The following CWF19L2 variants were observed in gnomAD, a reference collection of about 807,000 sequenced individuals.
CWF19L2 encodes CWF19-like protein 2.
CWF19L2 carries 98 observed loss-of-function variants against 111.7 expected under a neutral mutation model. The ratio of observed to expected loss-of-function variants is 0.88; its 90% CI spans 0.75 to 1.04. The LOEUF is 1.04. Among genes scored for constraint, CWF19L2 ranks in the 50% least tolerant of loss-of-function variants. The pLI is 0.00. For synonymous variants in CWF19L2, 351 were observed against 342.9 expected (o/e 1.02, Z -0.26); for missense variants, 1,101 against 1,051.4 (o/e 1.05, Z -0.65).
intron 3 of CWF19L2, among the ~76,000 whole-genome samples, chr11:107,443,415 A>C (rs1861659656): frequency 1.3e-5 from 2 of 152,084 alleles, no homozygotes; most frequent in Admixed American, 6.5e-5. Flanking sequence ...CCCAGGAGGC[A>C]GAGGTTGCAG....
At chr11:107,434,946 T>C (rs1308199790) in intron 6 of CWF19L2, among the ~76,000 whole-genome samples, 2 of 152,116 alleles carry the variant, frequency 1.3e-5, no homozygotes, top group African/African-American at 4.8e-5. Flanking sequence ...CACTTGTGGT[T>C]TGTGTATTTA....
rs368893519 is a variant in CWF19L2 at position 107,374,198 on chromosome 11, A to G, written c.1872+15876T>C. ...GGAACCAAGTTGGAAAACACTCTGC[A>G]GGATATTATCCAGGAGAACTTCCCC... is the stretch of plus-strand genomic sequence containing the variant. On this transcript the variant is annotated intron_variant, in intron 12 of 17. Coordinates refer to ENST00000282251, the MANE Select transcript of CWF19L2 (RefSeq NM_152434.3). Among the ~76,000 whole-genome samples, 693 of 129,974 alleles carry G rather than the reference A, an allele frequency of 5.3e-3. 138 individuals carry two copies. Among genetic ancestry groups the G allele is most frequent in the African/African-American group, 0.02 (601 of 30,402 alleles). The allele number at this position is 129,974 out of a possible 152,430, so 85.3% of individuals were successfully genotyped here. A position where few individuals can be genotyped will look rare whatever the true frequency, so the allele number is the denominator to read the frequency against.
chr11:107,427,425 T>A (rs565428075), intron 8 of CWF19L2, among the ~76,000 whole-genome samples: 5 of 152,096 alleles, frequency 3.3e-5, no homozygotes, highest in Admixed American at 2.6e-4. Context: ...AACCGAAAAA[T>A]TATATACATA....
chr11:107,367,829 CA>C lies in CWF19L2; in HGVS notation c.1873-14094del, dbSNP rs1328818449. ...GTACCCTAAAACTTAAAGTATAAAACAAAAAAAAAAGAAATGCTACTGATTT... is the reference window on the plus strand; with the variant it reads ...GTACCCTAAAACTTAAAGTATAAAACAAAAAAAAAGAAATGCTACTGATTT... On this transcript the variant is annotated intron_variant, in intron 12 of 17. Transcript: ENST00000282251. Among the ~76,000 whole-genome samples the C allele has an allele frequency of 3.2e-4, 41 of 126,240 alleles. 6 individuals are homozygous for C. Among genetic ancestry groups the C allele is most frequent in the African/African-American group, 6.4e-4 (20 of 31,464 alleles). 82.8% of individuals were successfully genotyped at this position (126,240 alleles called of 152,430 possible).
intron 14 of CWF19L2, among the ~76,000 whole-genome samples, chr11:107,339,583 T>C (rs1458383082): frequency 1.3e-5 from 2 of 152,134 alleles, no homozygotes; most frequent in African/African-American, 4.8e-5. Context: ...GCCAATGATA[T>C]TAAATATCAT....
chr11:107,408,604 A>G (rs1861114605), intron 10 of CWF19L2, among the ~76,000 whole-genome samples: 1 of 151,996 alleles, frequency 6.6e-6, no homozygotes, highest in Non-Finnish European at 1.5e-5. Flanking sequence ...ATTTCAAGAA[A>G]TAAGCCCTCT....
chr11:107,354,565 G>C (rs1329907877), intron 12 of CWF19L2, among the ~76,000 whole-genome samples: 1 of 152,054 alleles, frequency 6.6e-6, no homozygotes, highest in African/African-American at 2.4e-5. Flanking sequence ...CATGGGGATG[G>C]GATGCAAGTC....
intron 10 of CWF19L2, chr11:107,403,983 C>G: frequency 1.2e-6 from 1 of 852,462 alleles, no homozygotes; most frequent in South Asian, 1.3e-5. Context: ...GACCGAACGT[C>G]TGGCACCACA....
At chr11:107,335,217 T>A (rs1056630254) in intron 15 of CWF19L2, among the ~76,000 whole-genome samples, 3 of 152,176 alleles carry the variant, frequency 2.0e-5, no homozygotes, top group Admixed American at 2.0e-4. Context: ...TACATGGCAA[T>A]CCTTAATAAG....
Position 107,457,743 on chromosome 11 carries a change from G to A in CWF19L2, c.74C>T (p.Thr25Ile), listed in dbSNP as rs377201661. 3 of 1,551,512 alleles carry A rather than the reference G, an allele frequency of 1.9e-6. No homozygotes were observed. The African/African-American group carries it at 4.1e-5, about 21-fold the overall frequency. Residue 25 changes from threonine to isoleucine, a missense_variant, in exon 1 of 18, where the codon ACC (threonine) becomes ATC (isoleucine). Transcript: ENST00000282251. ...AKSIEERKEQ[T>I]RNARAEVLRQ... ...CAACACCTCGGCCCTGGCATTCCGG[G>A]TCTGTTCTTTCCGCTCTTCGATACT...
intron 12 of CWF19L2, among the ~76,000 whole-genome samples, chr11:107,386,991 T>C (rs1252127961): frequency 6.6e-6 from 1 of 151,138 alleles, no homozygotes; most frequent in African/African-American, 2.4e-5. Context: ...AAGGCGGAGG[T>C]TGCAATGAGT....
intron 8 of CWF19L2, among the ~76,000 whole-genome samples, chr11:107,421,705 C>A (rs1179749315): frequency 1.3e-5 from 2 of 152,044 alleles, no homozygotes; most frequent in East Asian, 1.9e-4. Flanking sequence ...ACTGACCATT[C>A]CAAGTTTTTA....
chr11:107,420,919 C>T (rs1282169923), intron 8 of CWF19L2, among the ~76,000 whole-genome samples: 5 of 151,936 alleles, frequency 3.3e-5, no homozygotes, highest in Non-Finnish European at 5.9e-5. Flanking sequence ...ATAAGGAAGA[C>T]CTGAATAATA....
In CWF19L2 at chr11:107,353,564, G is replaced by A. The variant is rs1422199941; in HGVS notation, c.2045C>T (p.Ser682Phe). The change falls in exon 13 of 18, where the codon TCT (serine) becomes TTT (phenylalanine). Residue 682 changes from serine to phenylalanine, a missense_variant. Physicochemically the swap from Ser to Phe is radical, Grantham distance 155. Coordinates refer to ENST00000282251, the MANE Select transcript of CWF19L2 (RefSeq NM_152434.3). Reference sequence around the variant, plus strand: ...AACAATAAGATGCTTGGGAAATTGAGAGCTGTCAAAACAATACAGACATTT... The same window carrying A: ...AACAATAAGATGCTTGGGAAATTGAAAGCTGTCAAAACAATACAGACATTT... ...MEKCLYCFDSSQFPKHLIVAI... is the reference protein window; with the variant it reads ...MEKCLYCFDSFQFPKHLIVAI... The A allele has an allele frequency of 1.9e-6, 3 of 1,613,584 alleles. No individual in the cohort carries two copies. The East Asian group carries it at 6.7e-5, about 36-fold the overall frequency.
chr11:107,333,709 T>C (rs1025366883), intron 16 of CWF19L2, among the ~76,000 whole-genome samples: 5 of 152,164 alleles, frequency 3.3e-5, no homozygotes, highest in Non-Finnish European at 5.9e-5. Flanking sequence ...AATAAAACTA[T>C]GTATCTTGAA....
chr11:107,403,363 A>G, intron 10 of CWF19L2: 2 of 598,036 alleles, frequency 3.3e-6, no homozygotes, highest in Non-Finnish European at 3.0e-6. Flanking sequence ...TTTTTCATTT[A>G]AAAAACTATT....
At position 107,336,698 on chromosome 11, in the gene CWF19L2, A is replaced by G; in HGVS notation, c.2218T>C (p.Leu740=). 1 of 1,479,268 alleles carries G rather than the reference A, an allele frequency of 6.8e-7. No homozygotes were observed. The highest frequency in any genetic ancestry group is 9.1e-7 in the Non-Finnish European group (1 of 1,103,598). 91.6% of individuals were successfully genotyped at this position (1,479,268 alleles called of 1,614,324 possible). A position where few individuals can be genotyped will look rare whatever the true frequency, so the allele number is the denominator to read the frequency against. Residue 740 remains leucine, a synonymous_variant, in exon 15 of 18, where the codon TTG becomes CTG. Transcript: ENST00000282251. Reference sequence around the variant, plus strand: ...CCTTTATCTTCAAACATCTTTACCAATGATTTTCTGAACATCTAAAAAAAA... The same window carrying G: ...CCTTTATCTTCAAACATCTTTACCAGTGATTTTCTGAACATCTAAAAAAAA... ...WEEIQMFRKS[L]VKMFEDKGLD... is the part of the protein sequence containing the mutation.
rs1338514793 is a variant in CWF19L2 at position 107,372,179 on chromosome 11, G to C, written c.1872+17895C>G. Among the ~76,000 whole-genome samples the C allele has an allele frequency of 2.2e-5, 3 of 134,832 alleles. 1 individual carries two copies. Among genetic ancestry groups the C allele is most frequent in the Non-Finnish European group, 4.7e-5 (3 of 63,634 alleles). The allele number at this position is 134,832 out of a possible 152,430, so 88.5% of individuals were successfully genotyped here. ...GTGAGCCAATCATATGAGACTTACA[G>C]AATAGTGGGAAAGACACTAACTAAA... is the stretch of plus-strand genomic sequence containing the variant. On this transcript the variant is annotated intron_variant, in intron 12 of 17. Transcript: ENST00000282251.
At chr11:107,452,107 A>C (rs1861786053) in intron 3 of CWF19L2, among the ~76,000 whole-genome samples, 1 of 152,212 alleles carries the variant, frequency 6.6e-6, no homozygotes, top group African/African-American at 2.4e-5. Flanking sequence ...TTAACAAATA[A>C]AACAGGCACA....
Sources: gnomAD v4.1 joint callset for allele counts (sites outside exome capture counted in the v4.1 genomes callset) on GRCh38, gnomAD v4.1.1 for gene constraint, MANE v1.5 for transcripts, NCBI Gene and HGNC (gene_info 2026-07-23, HGNC 2026-07-21) for gene names.